Variants in HIVEP3 observed in about 807,000 individuals in gnomAD.
HIVEP3 encodes transcription factor HIVEP3.
HIVEP3 carries 49 observed loss-of-function variants against 152.8 expected under a neutral mutation model. The observed-to-expected ratio is 0.32, with a 90% confidence interval of 0.26 to 0.41. HIVEP3 has a LOEUF of 0.41. Ranked by LOEUF, HIVEP3 falls within the 10% of genes least tolerant of loss-of-function variation. HIVEP3 has a pLI of 1.00. For synonymous variants in HIVEP3, 1,269 were observed against 1,289.0 expected, an observed-to-expected ratio of 0.98 and a Z score of 0.33; for missense variants, 2,790 against 3,103.3, an observed-to-expected ratio of 0.90 and a Z score of 2.40.
intron 1 of HIVEP3, among the ~76,000 whole-genome samples, chr1:42,025,211 G>A (rs1001837133): frequency 1.3e-5 from 2 of 151,884 alleles, no homozygotes; most frequent in Admixed American, 6.5e-5. Context: ...TTGTCTTTTT[G>A]TCTCCCTGTG....
chr1:41,746,306 G>A (rs903776741), intron 1 of HIVEP3, among the ~76,000 whole-genome samples: 4 of 152,116 alleles, frequency 2.6e-5, no homozygotes, highest in Admixed American at 6.6e-5. Context: ...CATCAACCCC[G>A]TTTGCTTCAG....
intron 1 of HIVEP3, among the ~76,000 whole-genome samples, chr1:41,886,711 TCAAAAAAAA>T (rs1557485901): frequency 1.3e-4 from 1 of 7,570 alleles, no homozygotes; most frequent in Admixed American, 1.9e-3. Context: ...AAACTCCATT[TCAAAAAAAA>T]AAAAAAAAAA....
chr1:41,650,869 C>T (rs1645538479), intron 2 of HIVEP3, among the ~76,000 whole-genome samples: 2 of 152,158 alleles, frequency 1.3e-5, no homozygotes, highest in Admixed American at 6.5e-5. Context: ...TTTGAAATGG[C>T]CACAAAGTAT....
intron 1 of HIVEP3, among the ~76,000 whole-genome samples, chr1:42,031,749 A>G (rs1450863291): frequency 6.6e-6 from 1 of 152,166 alleles, no homozygotes; most frequent in East Asian, 1.9e-4. Context: ...TTTTTCCCAC[A>G]TACACAATAT....
chr1:41,612,978 G>A (rs1644919312), intron 3 of HIVEP3, among the ~76,000 whole-genome samples: 1 of 152,360 alleles, frequency 6.6e-6, no homozygotes, highest in South Asian at 2.1e-4. Context: ...ACCTGGCCCT[G>A]GCAGGGTGAA....
intron 1 of HIVEP3, among the ~76,000 whole-genome samples, chr1:41,819,687 T>C (rs1642528922): frequency 6.6e-6 from 1 of 152,208 alleles, no homozygotes; most frequent in Admixed American, 6.5e-5. Context: ...TCTGATTGAA[T>C]TGCTTTGCGG....
chr1:41,672,079 G>A (rs1337197666), intron 2 of HIVEP3, among the ~76,000 whole-genome samples: 1 of 152,184 alleles, frequency 6.6e-6, no homozygotes, highest in African/African-American at 2.4e-5. Flanking sequence ...CTTAGCGCAT[G>A]AGTGTGCTCT....
At chr1:41,667,597 C>T (rs1645814970) in intron 2 of HIVEP3, among the ~76,000 whole-genome samples, 1 of 152,234 alleles carries the variant, frequency 6.6e-6, no homozygotes, top group African/African-American at 2.4e-5. Context: ...TTACTCTGCC[C>T]ATGGCTTTGT....
intron 1 of HIVEP3, among the ~76,000 whole-genome samples, chr1:41,734,251 C>A (rs1026622000): frequency 1.3e-5 from 2 of 152,222 alleles, no homozygotes; most frequent in African/African-American, 4.8e-5. Context: ...GTTGCTGCCA[C>A]CTATTCTAGC....
intron 2 of HIVEP3, among the ~76,000 whole-genome samples, chr1:41,696,726 A>G (rs1232927438): frequency 6.6e-6 from 1 of 152,232 alleles, no homozygotes; most frequent in Non-Finnish European, 1.5e-5. Context: ...GTTAAAAAAT[A>G]GAATGTAGAG....
At chr1:41,967,052 A>G (rs183931073) in intron 1 of HIVEP3, among the ~76,000 whole-genome samples, 124 of 152,294 alleles carry the variant, frequency 8.1e-4, no homozygotes, top group Non-Finnish European at 1.4e-3. Flanking sequence ...TTCATAAAAT[A>G]AGTTCTTAGA....
chr1:41,712,752 C>G (rs547970135), intron 1 of HIVEP3, among the ~76,000 whole-genome samples: 1 of 152,282 alleles, frequency 6.6e-6, no homozygotes, highest in African/African-American at 2.4e-5. Context: ...GCCCGGCAGC[C>G]CCTCCCTTCA....
At chr1:41,736,207 C>A (rs758893619) in intron 1 of HIVEP3, among the ~76,000 whole-genome samples, 2 of 152,148 alleles carry the variant, frequency 1.3e-5, no homozygotes, top group African/African-American at 4.8e-5. Context: ...AAGGAGTGCC[C>A]GGGCTTCATG....
At chr1:41,559,262 T>A (rs1216090861) in intron 5 of HIVEP3, among the ~76,000 whole-genome samples, 1 of 152,238 alleles carries the variant, frequency 6.6e-6, no homozygotes, top group Non-Finnish European at 1.5e-5. Flanking sequence ...CTGGCTTCCC[T>A]GGTCCCCCTT....
chr1:41,865,820 C>A (rs1376563560), intron 1 of HIVEP3, among the ~76,000 whole-genome samples: 1 of 152,114 alleles, frequency 6.6e-6, no homozygotes, highest in Non-Finnish European at 1.5e-5. Context: ...TAACTATGAG[C>A]TAATACCAAG....
At chr1:41,722,138 T>C (rs1646682713) in intron 1 of HIVEP3, among the ~76,000 whole-genome samples, 1 of 152,208 alleles carries the variant, frequency 6.6e-6, no homozygotes, top group Non-Finnish European at 1.5e-5. Flanking sequence ...TCTTCCTCCC[T>C]CATGCAAGCT....
chr1:41,781,896 T>C (rs1649068854), intron 1 of HIVEP3, among the ~76,000 whole-genome samples: 1 of 152,226 alleles, frequency 6.6e-6, no homozygotes, highest in Admixed American at 6.5e-5. Context: ...AAGGTGTCTC[T>C]CCTCTGCTCC....
chr1:41,677,288 C>T (rs569290441), intron 2 of HIVEP3, among the ~76,000 whole-genome samples: 3 of 152,308 alleles, frequency 2.0e-5, no homozygotes, highest in East Asian at 1.9e-4. Context: ...ACGCTTCACA[C>T]GTATAATCCG....
intron 1 of HIVEP3, among the ~76,000 whole-genome samples, chr1:41,837,326 T>A (rs1643153352): frequency 6.6e-6 from 1 of 152,130 alleles, no homozygotes; most frequent in East Asian, 1.9e-4. Context: ...TTATTATTTT[T>A]ATTTTTATTA....
Sources: allele counts gnomAD v4.1 joint callset (sites outside exome capture counted in the v4.1 genomes callset), GRCh38; gene constraint gnomAD v4.1.1; transcripts MANE v1.5; gene names NCBI Gene and HGNC (gene_info 2026-07-23, HGNC 2026-07-21).